EPS8: variants seen among roughly 807,000 people sequenced by gnomAD.
The protein encoded by EPS8 is epidermal growth factor receptor kinase substrate 8.
Under a neutral mutation model 103.8 loss-of-function variants are expected in EPS8, and 42 were observed. That is an observed-to-expected ratio of 0.40 (90% confidence interval 0.32 to 0.52). EPS8 has a LOEUF of 0.52. Ranked by LOEUF, EPS8 falls within the 20% of genes least tolerant of loss-of-function variation. The pLI is 0.40. For missense variants in EPS8, 969 were observed against 1,005.1 expected (o/e 0.96, Z 0.49); for synonymous variants, 344 against 344.6 (o/e 1.00, Z 0.02).
At chr12:15,686,996 T>C (rs943729375) in intron 1 of EPS8, among the ~76,000 whole-genome samples, 1 of 152,108 alleles carries the variant, frequency 6.6e-6, no homozygotes, top group Admixed American at 6.6e-5. Context: ...TGTCTCCCAG[T>C]CTAAGTTACA....
intron 13 of EPS8, among the ~76,000 whole-genome samples, chr12:15,653,083 C>A (rs1283425088): frequency 1.3e-5 from 2 of 152,334 alleles, no homozygotes; most frequent in South Asian, 4.1e-4. Flanking sequence ...CTTCCATAAT[C>A]ACTTTATTGA....
intron 19 of EPS8, 96 bp downstream of exon 19, chr12:15,624,131 T>A: frequency 1.1e-6 from 1 of 952,224 alleles, no homozygotes; most frequent in Admixed American, 2.0e-5. Context: ...TGTGCCCTTA[T>A]GTTTTATAAC....
At position 15,704,733 on chromosome 12, in the gene EPS8, A is replaced by G. The variant is rs1458579336; in HGVS notation, c.-21-21761T>C. On this transcript the variant is annotated intron_variant, in intron 1 of 20. Transcript: ENST00000281172. The surrounding 1 kb of genome is among the most constrained non-coding windows in gnomAD (Gnocchi z 4.6). The stretch of plus-strand genomic sequence containing the variant: ...AAAGATGGTTAAGTTGGTAAATTTA[A>G]TATCAACTTTATCACAATAATTAGA... Among the ~76,000 whole-genome samples the G allele has an allele frequency of 6.6e-6, 1 of 152,176 alleles. No individual in the cohort carries two copies. Among genetic ancestry groups the G allele is most frequent in the African/African-American group, 2.4e-5 (1 of 41,442 alleles).
chr12:15,701,822 A>G lies in EPS8; in HGVS notation c.-21-18850T>C, dbSNP rs1161203203. 7.2e-5 allele frequency among the ~76,000 whole-genome samples: 11 copies of G among 152,120 alleles called. No individual in the cohort carries two copies. The highest frequency in any genetic ancestry group is 7.2e-4 in the Admixed American group (11 of 15,264). On this transcript the variant is annotated intron_variant, in intron 1 of 20. Coordinates refer to ENST00000281172, the MANE Select transcript of EPS8 (RefSeq NM_004447.6). The surrounding 1 kb of genome is among the most constrained non-coding windows in gnomAD (Gnocchi z 5.1). Reference sequence around the variant, plus strand: ...CTTAGGGGAAGAAAAATAACATAACATTTCCTTCTTCAAAATAACAAGCAA... The same window carrying G: ...CTTAGGGGAAGAAAAATAACATAACGTTTCCTTCTTCAAAATAACAAGCAA...
intron 17 of EPS8, among the ~76,000 whole-genome samples, chr12:15,637,521 G>C (rs1179307288): frequency 6.6e-6 from 1 of 152,154 alleles, no homozygotes; most frequent in East Asian, 1.9e-4. Context: ...AATGAATTTG[G>C]ATTTGCGAAG....
At chr12:15,773,310 A>G (rs528877502) in intron 1 of EPS8, among the ~76,000 whole-genome samples, 1 of 152,286 alleles carries the variant, frequency 6.6e-6, no homozygotes, top group East Asian at 1.9e-4. Flanking sequence ...TAATGTTATT[A>G]ATTGTGATTA....
chr12:15,727,404 A>T lies in EPS8; in HGVS notation c.-21-44432T>A, dbSNP rs1946665313. Reference sequence around the variant, plus strand: ...CAAATTCATTGTTTTACTTGTGTCCATCACTCCTCATTCTTGTGTTTTATT... The same window carrying T: ...CAAATTCATTGTTTTACTTGTGTCCTTCACTCCTCATTCTTGTGTTTTATT... On this transcript the variant is annotated intron_variant, in intron 1 of 20. Coordinates refer to ENST00000281172, the MANE Select transcript of EPS8 (RefSeq NM_004447.6). The surrounding 1 kb of genome is among the most constrained non-coding windows in gnomAD (Gnocchi z 4.3). 6.6e-6 allele frequency among the ~76,000 whole-genome samples: 1 copy of T among 152,212 alleles called. No individual in the cohort carries two copies. The highest frequency in any genetic ancestry group is 2.4e-5 in the African/African-American group (1 of 41,434).
chr12:15,621,775 T>G (rs1422510068), intron 20 of EPS8, among the ~76,000 whole-genome samples: 1 of 152,182 alleles, frequency 6.6e-6, no homozygotes. Context: ...AGGACTCTTT[T>G]GGGCTCAAAC....
intron 14 of EPS8, among the ~76,000 whole-genome samples, chr12:15,649,505 T>C (rs1292474484): frequency 6.6e-6 from 1 of 152,086 alleles, no homozygotes; most frequent in East Asian, 1.9e-4. Flanking sequence ...GCCTGAACTA[T>C]GAAATACAGG....
Position 15,669,403 on chromosome 12 carries a change from T to C in EPS8, c.500A>G (p.Gln167Arg). The C allele has an allele frequency of 6.2e-7, 1 of 1,612,990 alleles. No homozygotes were observed. Among genetic ancestry groups the C allele is most frequent in the Non-Finnish European group, 8.5e-7 (1 of 1,179,702 alleles). The change falls in exon 6 of 21, where the codon CAG becomes CGG. Residue 167 changes from glutamine (Q) to arginine (R), a missense_variant. By Grantham distance (43) the Gln-to-Arg change is conservative (BLOSUM62 1). Coordinates refer to ENST00000281172, the MANE Select transcript of EPS8 (RefSeq NM_004447.6). ...TTCTTTTACCTTAACCTCATCACAC[T>C]GGAAGAGATGAAGATCTGGCTTGTT... ...TQNKPDLHLF[Q>R]CDEVKANLIS...
At chr12:15,646,887 T>C (rs1316920726) in intron 15 of EPS8, among the ~76,000 whole-genome samples, 1 of 152,244 alleles carries the variant, frequency 6.6e-6, no homozygotes, top group Non-Finnish European at 1.5e-5. Flanking sequence ...CCGAAGTATC[T>C]TTTAAAAAAT....
intron 1 of EPS8, among the ~76,000 whole-genome samples, chr12:15,739,814 T>C (rs1340593036): frequency 6.6e-6 from 1 of 152,146 alleles, no homozygotes; most frequent in African/African-American, 2.4e-5. Flanking sequence ...AGATATCCTA[T>C]TATTTCTGTC....
chr12:15,623,162 A>G lies in EPS8; in HGVS notation c.2351T>C (p.Leu784Ser). The G allele has an allele frequency of 6.2e-7, 1 of 1,606,040 alleles. No individual in the cohort carries two copies. ...CCTTAGGTTGACAAGTCATACCTCCAATGCAGCTTTTTGTACAGTGATTTG... is the reference window on the plus strand; with the variant it reads ...CCTTAGGTTGACAAGTCATACCTCCGATGCAGCTTTTTGTACAGTGATTTG... ...YSQITVQKAA[L>S]EDSSGSSELQ... Residue 784 changes from leucine (L) to serine (S), a missense_variant, in exon 20 of 21, where the codon TTG (leucine) becomes TCG (serine). Transcript: ENST00000281172.
At chr12:15,641,907 C>A in intron 15 of EPS8, 77 bp from the exon 16 acceptor site, 1 of 592,330 alleles carries the variant, frequency 1.7e-6, no homozygotes, top group Non-Finnish European at 2.8e-6. Context: ...CTGAGACAAG[C>A]CAAATCCTAC....
chr12:15,654,256 G>A lies in EPS8; in HGVS notation c.1139C>T (p.Ser380Leu), dbSNP rs1240083625. The change falls in exon 13 of 21, where the codon TCA becomes TTA. Residue 380 changes from serine (S) to leucine (L), a missense_variant. Coordinates refer to ENST00000281172, the MANE Select transcript of EPS8 (RefSeq NM_004447.6). ...CTTATTCAATAGGGGACTAAGTACT[G>A]AACTGGCTAGTTCAGGACCTCCTGT... ...QATGGPELAS[S>L]VLSPLLNKDT... 6.2e-7 allele frequency: 1 copy of A among 1,613,422 alleles called. No homozygotes were observed. The highest frequency in any genetic ancestry group is 8.5e-7 in the Non-Finnish European group (1 of 1,179,658).
In EPS8 at chr12:15,620,437, C is replaced by A. The variant is rs764384148; in HGVS notation, c.*880G>T. Reference sequence around the variant, plus strand: ...TAAAATATGTGTAAATTAAGTGCTTCTTATTACCAGAAATACTTGACACAG... The same window carrying A: ...TAAAATATGTGTAAATTAAGTGCTTATTATTACCAGAAATACTTGACACAG... On this transcript the variant is annotated 3_prime_UTR_variant, in exon 21 of 21. Coordinates refer to ENST00000281172, the MANE Select transcript of EPS8 (RefSeq NM_004447.6). 5 of 152,598 alleles carry A rather than the reference C, an allele frequency of 3.3e-5. No individual in the cohort carries two copies. Among genetic ancestry groups the A allele is most frequent in the Non-Finnish European group, 7.4e-5 (5 of 68,010 alleles). The allele number at this position is 152,598 out of a possible 1,614,324, so 9.5% of individuals were successfully genotyped here.
rs994253502 is a variant in EPS8, at chr12:15,787,144, A to G, written c.-22+2017T>C. ...CCTATTCTGGATACTATGTTTTCTT[A>G]TACAAACCTTGGTTCAAGTGACCTG... On this transcript the variant is annotated intron_variant, in intron 1 of 20. Coordinates refer to ENST00000281172, the MANE Select transcript of EPS8 (RefSeq NM_004447.6). This position sits in a 1 kb window ranked among gnomAD's most constrained non-coding sequence, Gnocchi z 4.9. Among the ~76,000 whole-genome samples the G allele has an allele frequency of 8.5e-5, 13 of 152,188 alleles. No individual in the cohort carries two copies. The highest frequency in any genetic ancestry group is 2.6e-4 in the Admixed American group (4 of 15,276).
At chr12:15,783,363 G>A (rs1238069694) in intron 1 of EPS8, among the ~76,000 whole-genome samples, 1 of 152,054 alleles carries the variant, frequency 6.6e-6, no homozygotes, top group Admixed American at 6.6e-5. Flanking sequence ...TCAACAGAAG[G>A]GTTACTAGTT....
chr12:15,696,075 T>A lies in EPS8; in HGVS notation c.-21-13103A>T, dbSNP rs561874178. 6.6e-6 allele frequency among the ~76,000 whole-genome samples: 1 copy of A among 152,342 alleles called. No homozygotes were observed. The highest frequency in any genetic ancestry group is 1.9e-4 in the East Asian group (1 of 5,192). ...CATTCTGAAAATGTTCTCTCAGGAT[T>A]TCTCTATTTAAAATCCAGGATAATT... is the stretch of plus-strand genomic sequence containing the variant. On this transcript the variant is annotated intron_variant, in intron 1 of 20. Coordinates refer to ENST00000281172, the MANE Select transcript of EPS8 (RefSeq NM_004447.6). This position sits in a 1 kb window ranked among gnomAD's most constrained non-coding sequence, Gnocchi z 4.8.
Sources: allele counts gnomAD v4.1 joint callset (sites outside exome capture counted in the v4.1 genomes callset), GRCh38; gene constraint gnomAD v4.1.1; non-coding constraint Gnocchi (gnomAD v3.1); transcripts MANE v1.5; gene names NCBI Gene and HGNC (gene_info 2026-07-23, HGNC 2026-07-21).